The following OSBPL8 variants were observed in gnomAD, a reference collection of about 807,000 sequenced individuals.
OSBPL8 encodes oxysterol-binding protein-related protein 8.
Under a neutral mutation model 125.5 loss-of-function variants are expected in OSBPL8, and 59 were observed. The ratio of observed to expected loss-of-function variants is 0.47; its 90% CI spans 0.38 to 0.58. The LOEUF (loss-of-function observed/expected upper bound fraction) is 0.58, where lower values mean the gene tolerates loss of function less well. Ranked by LOEUF, OSBPL8 falls within the 20% of genes least tolerant of loss-of-function variation. The pLI, the probability that OSBPL8 is intolerant of heterozygous loss-of-function variation, is 0.00. For synonymous variants in OSBPL8, 330 were observed against 338.9 expected, an observed-to-expected ratio of 0.97 and a Z score of 0.29; for missense variants, 758 against 1,047.8, an observed-to-expected ratio of 0.72 and a Z score of 3.82.
chr12:76,393,865 C>T (rs1020318332), intron 9 of OSBPL8, among the ~76,000 whole-genome samples: 5 of 151,490 alleles, frequency 3.3e-5, no homozygotes, highest in Non-Finnish European at 5.9e-5. Flanking sequence ...ACTAAAAATA[C>T]AAAAATTAGC....
intron 1 of OSBPL8, among the ~76,000 whole-genome samples, chr12:76,490,614 A>G (rs1007805978): frequency 1.3e-5 from 2 of 152,176 alleles, no homozygotes; most frequent in Admixed American, 1.3e-4. Context: ...TGGCAATAAA[A>G]TCCCCCACAT....
At chr12:76,537,953 T>C (rs773319845) in intron 1 of OSBPL8, 2 of 152,162 alleles carry the variant, frequency 1.3e-5, no homozygotes, top group African/African-American at 4.8e-5. Flanking sequence ...ACAGTAATAC[T>C]GACCTTTAAA....
chr12:76,504,772 T>C (rs976316130), intron 1 of OSBPL8, among the ~76,000 whole-genome samples: 2 of 152,262 alleles, frequency 1.3e-5, no homozygotes, highest in African/African-American at 4.8e-5. Context: ...TGAATTCTTA[T>C]ATGATGCCAG....
chr12:76,486,667 A>G (rs1878167807), intron 2 of OSBPL8, among the ~76,000 whole-genome samples: 1 of 152,198 alleles, frequency 6.6e-6, no homozygotes, highest in Admixed American at 6.5e-5. Context: ...CCTGCTACCC[A>G]CTACTTGTTT....
At chr12:76,544,449 T>C (rs955802478) in intron 1 of OSBPL8, among the ~76,000 whole-genome samples, 3 of 152,166 alleles carry the variant, frequency 2.0e-5, no homozygotes, top group Non-Finnish European at 4.4e-5. Context: ...CCAAAAGTGT[T>C]TGTTGAACAA....
chr12:76,404,779 A>C (rs560108324), intron 5 of OSBPL8, among the ~76,000 whole-genome samples: 59 of 152,334 alleles, frequency 3.9e-4, no homozygotes, highest in African/African-American at 1.4e-3. Context: ...GTTATCAGTA[A>C]GGCTTCTGGT....
intron 19 of OSBPL8, among the ~76,000 whole-genome samples, chr12:76,371,010 T>C (rs531189800): frequency 1.3e-5 from 2 of 152,258 alleles, no homozygotes; most frequent in African/African-American, 4.8e-5. Flanking sequence ...AACTAATAAA[T>C]CCTATAGAAG....
chr12:76,397,321 A>G (rs1953850849), intron 8 of OSBPL8, among the ~76,000 whole-genome samples: 1 of 141,444 alleles, frequency 7.1e-6, no homozygotes, highest in Non-Finnish European at 1.5e-5. Flanking sequence ...CCATTTTGAC[A>G]AAGAGAAAAA....
chr12:76,559,242 T>G (rs1006057664), intron 1 of OSBPL8, among the ~76,000 whole-genome samples, 155 bp downstream of exon 1: 1 of 152,084 alleles, frequency 6.6e-6, no homozygotes, highest in Non-Finnish European at 1.5e-5. Flanking sequence ...CCAATCCCCC[T>G]ACTCCAAAAG....
chr12:76,378,474 T>A lies in OSBPL8; in HGVS notation c.1707A>T (p.Thr569=). The A allele has an allele frequency of 6.3e-7, 1 of 1,597,100 alleles. No homozygotes were observed. Among genetic ancestry groups the A allele is most frequent in the Non-Finnish European group, 8.6e-7 (1 of 1,166,662 alleles). Residue 569 remains threonine, a synonymous_variant, in exon 16 of 24, where the codon ACA becomes ACT. Transcript: ENST00000261183. ...FLNRGEDYVM[T]MPYAHCKGIL... ...TACCTTTACAATGAGCGTATGGCAT[T>A]GTCATTACATAATCTTCACCTCTAT...
rs187491822 is a variant in OSBPL8 at position 76,520,181 on chromosome 12, C to T, written c.-67-32563G>A. Among the ~76,000 whole-genome samples the T allele has an allele frequency of 2.7e-3, 418 of 152,134 alleles. 3 individuals are homozygous for T. Among genetic ancestry groups the T allele is most frequent in the Middle Eastern group, 6.8e-3 (2 of 294 alleles). ...TGCACAAATATTCTAAATGCCTTTA[C>T]GTGAATGAACTTAAAAATGTATATT... On this transcript the variant is annotated intron_variant, in intron 1 of 23. Coordinates refer to ENST00000261183, the MANE Select transcript of OSBPL8 (RefSeq NM_020841.5).
At chr12:76,383,603 A>AT (rs747590497) in intron 15 of OSBPL8, among the ~76,000 whole-genome samples, 22 of 151,860 alleles carry the variant, frequency 1.4e-4, no homozygotes, top group Non-Finnish European at 1.6e-4. Context: ...TATCATAATG[A>AT]TTTTTTTCAC....
chr12:76,425,785 A>G (rs560704519), intron 4 of OSBPL8, among the ~76,000 whole-genome samples: 1 of 152,368 alleles, frequency 6.6e-6, no homozygotes, highest in Admixed American at 6.5e-5. Context: ...GAACTAAAAA[A>G]GCAGAATATA....
chr12:76,371,413 T>A, intron 19 of OSBPL8, 35 bp downstream of exon 19: 1 of 1,547,588 alleles, frequency 6.5e-7, no homozygotes, highest in Non-Finnish European at 8.7e-7. Flanking sequence ...TACTCTCTGA[T>A]CCTCATGAAG....
chr12:76,524,252 T>C lies in OSBPL8; in HGVS notation c.-68+35145A>G, dbSNP rs192167766. 5.4e-3 allele frequency among the ~76,000 whole-genome samples: 828 copies of C among 152,210 alleles called. 19 individuals are homozygous for C. Among genetic ancestry groups the C allele is most frequent in the Non-Finnish European group, 4.1e-3 (281 of 67,998 alleles). ...AATTAAAAACTGTCTATGAAAGCAATATAATAGCAGGCACAAAAATTTCAT... is the reference window on the plus strand; with the variant it reads ...AATTAAAAACTGTCTATGAAAGCAACATAATAGCAGGCACAAAAATTTCAT... On this transcript the variant is annotated intron_variant, in intron 1 of 23. Coordinates refer to ENST00000261183, the MANE Select transcript of OSBPL8 (RefSeq NM_020841.5).
intron 2 of OSBPL8, among the ~76,000 whole-genome samples, chr12:76,485,139 T>C (rs1056182705): frequency 6.6e-6 from 1 of 151,976 alleles, no homozygotes; most frequent in African/African-American, 2.4e-5. Flanking sequence ...GCCAGGCTGG[T>C]CTCGAGCTCC....
rs2136190279 is a variant in OSBPL8 at position 76,369,769 on chromosome 12, G to A, written c.2108C>T (p.Thr703Ile). ...AINAKDQTEA[T>I]QEKYVLEEAQ... is the part of the protein sequence containing the mutation. ...TTCTTCCAAAACATACTTCTCTTGGGTAGCTTCAGTTTGGTCTTTGGCATT... is the reference window on the plus strand; with the variant it reads ...TTCTTCCAAAACATACTTCTCTTGGATAGCTTCAGTTTGGTCTTTGGCATT... The change falls in exon 20 of 24, where the codon ACC (threonine) becomes ATC (isoleucine). Residue 703 changes from threonine to isoleucine, a missense_variant. Thr to Ile is a moderately conservative substitution (Grantham distance 89, BLOSUM62 -1). Transcript: ENST00000261183. The A allele has an allele frequency of 6.2e-7, 1 of 1,613,552 alleles. No individual in the cohort carries two copies. The highest frequency in any genetic ancestry group is 1.7e-4 in the Middle Eastern group (1 of 6,056).
chr12:76,516,743 AGG>A (rs1395752937), intron 1 of OSBPL8, among the ~76,000 whole-genome samples: 1 of 152,170 alleles, frequency 6.6e-6, no homozygotes, highest in African/African-American at 2.4e-5. Context: ...TGGTTGATGA[AGG>A]AAACATAACA....
At chr12:76,543,871 A>G (rs375406459) in intron 1 of OSBPL8, among the ~76,000 whole-genome samples, 3 of 152,316 alleles carry the variant, frequency 2.0e-5, no homozygotes, top group East Asian at 3.9e-4. Flanking sequence ...GATAACCACA[A>G]ATTACATAAT....
Sources: allele counts gnomAD v4.1 joint callset (sites outside exome capture counted in the v4.1 genomes callset), GRCh38; gene constraint gnomAD v4.1.1; transcripts MANE v1.5; gene names NCBI Gene and HGNC (gene_info 2026-07-23, HGNC 2026-07-21).